The following KAZN variants were observed in gnomAD, a reference collection of about 807,000 sequenced individuals.
KAZN encodes kazrin, periplakin interacting protein.
In KAZN, 40 loss-of-function variants were observed where a neutral mutation model predicts 87.4. The ratio of observed to expected loss-of-function variants is 0.46; its 90% CI spans 0.36 to 0.60. The LOEUF is 0.60. KAZN is among the 20% of genes least tolerant of loss of function. KAZN has a pLI of 0.00. For missense variants in KAZN, 898 were observed against 1,073.9 expected (o/e 0.84, Z 2.29); for synonymous variants, 466 against 458.3 (o/e 1.02, Z -0.22).
At chr1:14,871,552 C>T (rs924324331) in intron 1 of KAZN, among the ~76,000 whole-genome samples, 1 of 151,672 alleles carries the variant, frequency 6.6e-6, no homozygotes, top group African/African-American at 2.4e-5. Context: ...ACAGGGGAGG[C>T]GTAAGGAAGA....
At chr1:14,510,676 C>T (rs1032776764) in intron 2 of KAZN, among the ~76,000 whole-genome samples, 1 of 152,188 alleles carries the variant, frequency 6.6e-6, no homozygotes, top group South Asian at 2.1e-4. Context: ...ATCCTGGCTG[C>T]TGTGTGTAAA....
At chr1:14,553,050 T>C (rs900319273) in intron 2 of KAZN, among the ~76,000 whole-genome samples, 6 of 152,072 alleles carry the variant, frequency 3.9e-5, no homozygotes, top group African/African-American at 1.2e-4. Context: ...AAACTGAGGC[T>C]CAGAGGCATG....
chr1:14,582,173 C>T (rs939943617), intron 2 of KAZN, among the ~76,000 whole-genome samples: 2 of 152,102 alleles, frequency 1.3e-5, no homozygotes, highest in African/African-American at 4.8e-5. Flanking sequence ...TTAGAGAGGT[C>T]AATAACTTTC....
intron 2 of KAZN, among the ~76,000 whole-genome samples, chr1:14,318,662 A>G (rs1323475118): frequency 1.3e-5 from 2 of 152,102 alleles, no homozygotes; most frequent in Non-Finnish European, 2.9e-5. Context: ...GCAAACTTCT[A>G]TAACATGTAC....
intron 2 of KAZN, chr1:14,304,612 C>A: frequency 2.5e-6 from 1 of 398,400 alleles, no homozygotes; most frequent in Non-Finnish European, 4.4e-6. Context: ...AACACATGGA[C>A]AATGAATTCA....
intron 1 of KAZN, among the ~76,000 whole-genome samples, chr1:14,171,583 A>G (rs1024370057): frequency 6.6e-6 from 1 of 152,246 alleles, no homozygotes; most frequent in African/African-American, 2.4e-5. Flanking sequence ...AATGCAAAAT[A>G]CATCATAGAA....
chr1:13,931,260 G>T (rs796749966), intron 1 of KAZN, among the ~76,000 whole-genome samples: 1 of 152,156 alleles, frequency 6.6e-6, no homozygotes, highest in Non-Finnish European at 1.5e-5. Context: ...CAGCTGTAAT[G>T]GTCCAGGTAC....
chr1:14,777,473 G>T (rs775860428), intron 1 of KAZN, among the ~76,000 whole-genome samples: 1 of 152,088 alleles, frequency 6.6e-6, no homozygotes, highest in Admixed American at 6.5e-5. Flanking sequence ...ATGCTGCCAG[G>T]ATCAATGCCA....
chr1:14,476,139 C>A (rs1668710493), intron 2 of KAZN, among the ~76,000 whole-genome samples: 1 of 152,158 alleles, frequency 6.6e-6, no homozygotes, highest in Non-Finnish European at 1.5e-5. Context: ...CACATTCGGA[C>A]TGGTTTGATT....
intron 1 of KAZN, among the ~76,000 whole-genome samples, chr1:14,040,813 A>G (rs1243951541): frequency 6.6e-6 from 1 of 151,670 alleles, no homozygotes; most frequent in East Asian, 1.9e-4. Flanking sequence ...ATAAAATAAA[A>G]TAAAATAGAA....
intron 2 of KAZN, among the ~76,000 whole-genome samples, chr1:14,531,280 C>T (rs532779080): frequency 2.3e-4 from 35 of 152,176 alleles, no homozygotes; most frequent in Admixed American, 3.9e-4. Flanking sequence ...TTTCCCAGTC[C>T]GCCAAAGATC....
chr1:14,412,192 A>C (rs1014605417), intron 2 of KAZN, among the ~76,000 whole-genome samples: 3 of 152,248 alleles, frequency 2.0e-5, no homozygotes, highest in Non-Finnish European at 4.4e-5. Flanking sequence ...TCAATGCATC[A>C]GGGCATAAAT....
At chr1:14,795,372 GC>G (rs1645799437) in intron 1 of KAZN, among the ~76,000 whole-genome samples, 1 of 152,164 alleles carries the variant, frequency 6.6e-6, no homozygotes, top group East Asian at 1.9e-4. Context: ...CTGGAAATGA[GC>G]ATACGCCTAG....
At chr1:14,825,301 T>C (rs575082355) in intron 1 of KAZN, among the ~76,000 whole-genome samples, 1 of 152,350 alleles carries the variant, frequency 6.6e-6, no homozygotes, top group African/African-American at 2.4e-5. Context: ...GGAAGCTGTC[T>C]CTCCAGGCCA....
At position 15,066,644 on chromosome 1, in the gene KAZN, A is replaced by G. The variant is rs928308677; in HGVS notation, c.1222+891A>G. On this transcript the variant is annotated intron_variant, in intron 8 of 14. Coordinates refer to ENST00000376030, the MANE Select transcript of KAZN (RefSeq NM_201628.3). This position sits in a 1 kb window ranked among gnomAD's most constrained non-coding sequence, Gnocchi z 4.3. ...TTATTCTATCTAAATTATTACATAA[A>G]TATTGGAATGTCTATTTTTCCATGG... The G allele has an allele frequency of 1.0e-6, 1 of 981,340 alleles. No homozygotes were observed. The highest frequency in any genetic ancestry group is 1.2e-6 in the Non-Finnish European group (1 of 826,218). The allele number at this position is 981,340 out of a possible 1,614,324, so 60.8% of individuals were successfully genotyped here.
intron 2 of KAZN, among the ~76,000 whole-genome samples, chr1:14,436,734 A>AAAAAAAAAAAACAAAAAC (rs563539375): frequency 7.3e-5 from 10 of 137,366 alleles, no homozygotes; most frequent in Admixed American, 1.5e-4. Flanking sequence ...AAAAAAAAAA[A>AAAAAAAAAAAACAAAAAC]AAAACCTTAA....
At chr1:14,514,956 T>G (rs1380687112) in intron 2 of KAZN, among the ~76,000 whole-genome samples, 1 of 152,200 alleles carries the variant, frequency 6.6e-6, no homozygotes, top group East Asian at 1.9e-4. Flanking sequence ...GGCTGGGACT[T>G]TTGCTGATGT....
At chr1:14,524,588 G>T (rs904640144) in intron 2 of KAZN, among the ~76,000 whole-genome samples, 12 of 152,220 alleles carry the variant, frequency 7.9e-5, no homozygotes, top group African/African-American at 2.4e-4. Context: ...GGTGATTAAG[G>T]TACTTGCTCA....
At position 14,316,673 on chromosome 1, in the gene KAZN, A is replaced by G. The variant is rs138181642; in HGVS notation, c.249+136081A>G. On this transcript the variant is annotated intron_variant, in intron 2 of 16. Coordinates refer to the KAZN transcript ENST00000636203. Reference sequence around the variant, plus strand: ...TTAAGCTATTCGTTTTTCTTTTTATAGCATTTTTATAGCATTCAAAGTCAT... The same window carrying G: ...TTAAGCTATTCGTTTTTCTTTTTATGGCATTTTTATAGCATTCAAAGTCAT... 4.3e-3 allele frequency among the ~76,000 whole-genome samples: 653 copies of G among 152,034 alleles called. 2 individuals are homozygous for G. Among genetic ancestry groups the G allele is most frequent in the African/African-American group, 0.014 (600 of 41,540 alleles).
Sources: allele counts gnomAD v4.1 joint callset (sites outside exome capture counted in the v4.1 genomes callset), GRCh38; gene constraint gnomAD v4.1.1; non-coding constraint Gnocchi (gnomAD v3.1); transcripts MANE v1.5; gene names NCBI Gene and HGNC (gene_info 2026-07-23, HGNC 2026-07-21).